MED27: variants seen among roughly 807,000 people sequenced by gnomAD.
The protein encoded by MED27 is mediator of RNA polymerase II transcription subunit 27.
MED27 carries 30 observed loss-of-function variants against 38.2 expected under a neutral mutation model. The observed-to-expected ratio is 0.79, with a 90% CI of 0.59 to 1.07. The LOEUF (loss-of-function observed/expected upper bound fraction) is 1.07, where lower values mean the gene tolerates loss of function less well. Among genes scored for constraint, MED27 ranks in the 50% least tolerant of loss-of-function variants. MED27 has a pLI of 0.00. For synonymous variants in MED27, 122 were observed against 153.5 expected (o/e 0.79, Z 1.52); for missense variants, 289 against 397.5 (o/e 0.73, Z 2.32).
intron 2 of MED27, among the ~76,000 whole-genome samples, chr9:132,015,794 C>A (rs556005880): frequency 6.6e-6 from 1 of 152,220 alleles, no homozygotes; most frequent in East Asian, 1.9e-4. Flanking sequence ...TCATCAATAT[C>A]GCTATAATAA....
intron 4 of MED27, among the ~76,000 whole-genome samples, chr9:131,906,309 C>T (rs1830060128): frequency 6.6e-6 from 1 of 152,166 alleles, no homozygotes; most frequent in Admixed American, 6.5e-5. Flanking sequence ...GCTGTGAAGA[C>T]AACAAAGCTA....
intron 2 of MED27, among the ~76,000 whole-genome samples, chr9:132,039,327 C>T (rs1221169613): frequency 6.6e-6 from 1 of 152,142 alleles, no homozygotes; most frequent in Admixed American, 6.5e-5. Context: ...GTAACTGAAG[C>T]TCTGTGCACC....
At chr9:131,973,584 G>C (rs563029086) in intron 3 of MED27, among the ~76,000 whole-genome samples, 2 of 151,628 alleles carry the variant, frequency 1.3e-5, no homozygotes, top group African/African-American at 4.9e-5. Context: ...GAGTTACCTG[G>C]GACTTGGCTT....
At chr9:132,043,772 G>C (rs1833273344) in intron 2 of MED27, among the ~76,000 whole-genome samples, 1 of 152,160 alleles carries the variant, frequency 6.6e-6, no homozygotes, top group African/African-American at 2.4e-5. Context: ...AGAGGTGGAA[G>C]GAGCGTGGAT....
At chr9:132,066,759 C>G (rs989288145) in intron 2 of MED27, among the ~76,000 whole-genome samples, 3 of 152,240 alleles carry the variant, frequency 2.0e-5, no homozygotes, top group African/African-American at 7.2e-5. Flanking sequence ...CAGCTCCCCT[C>G]CCGCACACAG....
chr9:132,026,551 C>A (rs1832823620), intron 2 of MED27, among the ~76,000 whole-genome samples: 1 of 152,184 alleles, frequency 6.6e-6, no homozygotes. Flanking sequence ...AGAAGCCTTA[C>A]TGGCCTAGCA....
At chr9:131,886,446 G>A (rs1428146406) in intron 5 of MED27, among the ~76,000 whole-genome samples, 1 of 152,072 alleles carries the variant, frequency 6.6e-6, no homozygotes, top group African/African-American at 2.4e-5. Context: ...CCCACTGCCT[G>A]CACCATCTCC....
intron 2 of MED27, among the ~76,000 whole-genome samples, chr9:132,066,754 C>T (rs1449327867): frequency 6.6e-6 from 1 of 152,236 alleles, no homozygotes. Flanking sequence ...TGCCCCAGCT[C>T]CCCTCCCGCA....
At chr9:131,874,148 T>A (rs1245081447) in intron 6 of MED27, among the ~76,000 whole-genome samples, 2 of 152,120 alleles carry the variant, frequency 1.3e-5, no homozygotes, top group East Asian at 3.9e-4. Flanking sequence ...GGAATCCGCC[T>A]CCCGCCCCAA....
chr9:132,076,796 AG>A (rs1461745339), intron 2 of MED27, among the ~76,000 whole-genome samples: 1 of 152,220 alleles, frequency 6.6e-6, no homozygotes, highest in African/African-American at 2.4e-5. Context: ...AACCGTTTCC[AG>A]ATTCATGAGC....
intron 3 of MED27, among the ~76,000 whole-genome samples, chr9:131,969,207 G>A (rs58703601): frequency 1.4e-5 from 2 of 145,736 alleles, no homozygotes; most frequent in South Asian, 4.4e-4. Context: ...CATGGAAATA[G>A]TATCTTTCAC....
intron 2 of MED27, among the ~76,000 whole-genome samples, chr9:132,059,462 T>C (rs1328216163): frequency 1.3e-5 from 2 of 152,244 alleles, no homozygotes; most frequent in Non-Finnish European, 1.5e-5. Flanking sequence ...TAGCTTCTCC[T>C]AAGACCAACC....
intron 4 of MED27, among the ~76,000 whole-genome samples, chr9:131,910,694 A>G (rs1589204744): frequency 2.6e-5 from 4 of 152,336 alleles, no homozygotes; most frequent in Admixed American, 2.0e-4. Flanking sequence ...ACACCGGCTA[A>G]GGTCACAGAC....
At chr9:131,870,734 G>A (rs1452670017) in intron 6 of MED27, among the ~76,000 whole-genome samples, 1 of 152,108 alleles carries the variant, frequency 6.6e-6, no homozygotes, top group Non-Finnish European at 1.5e-5. Context: ...CTTTGAGGGT[G>A]GAGATGGGAT....
chr9:131,896,167 C>T (rs949150420), intron 4 of MED27, among the ~76,000 whole-genome samples: 1 of 152,126 alleles, frequency 6.6e-6, no homozygotes, highest in Admixed American at 6.6e-5. Context: ...TCCCAAAGTG[C>T]TGGGATTACA....
At chr9:132,000,402 G>A (rs923906973) in intron 3 of MED27, among the ~76,000 whole-genome samples, 1 of 152,088 alleles carries the variant, frequency 6.6e-6, no homozygotes, top group Non-Finnish European at 1.5e-5. Context: ...CCCTGCTGGT[G>A]GGAAGGTAAA....
chr9:132,007,381 C>A (rs1774934875), intron 3 of MED27, among the ~76,000 whole-genome samples: 1 of 152,126 alleles, frequency 6.6e-6, no homozygotes. Flanking sequence ...TAAAATGGAA[C>A]CAACCGCTGA....
At chr9:131,927,642 G>GC (rs1272369304) in intron 4 of MED27, among the ~76,000 whole-genome samples, 1 of 152,126 alleles carries the variant, frequency 6.6e-6, no homozygotes, top group Non-Finnish European at 1.5e-5. Flanking sequence ...CAGTCCTCAG[G>GC]CTAGGAGGTG....
intron 6 of MED27, among the ~76,000 whole-genome samples, chr9:131,880,094 G>A (rs530480432): frequency 5.9e-5 from 9 of 152,310 alleles, no homozygotes; most frequent in African/African-American, 2.2e-4. Flanking sequence ...TGAACACGAC[G>A]AAATAGGCAC....
Sources: allele counts gnomAD v4.1 joint callset (sites outside exome capture counted in the v4.1 genomes callset), GRCh38; gene constraint gnomAD v4.1.1; transcripts MANE v1.5; gene names NCBI Gene and HGNC (gene_info 2026-07-23, HGNC 2026-07-21).